The following ZBTB8A variants were observed in gnomAD, a reference collection of about 807,000 sequenced individuals.
ZBTB8A encodes zinc finger and BTB domain containing 8A.
In ZBTB8A, 19 loss-of-function variants were observed where a neutral mutation model predicts 37.8. That is an observed-to-expected ratio of 0.50 (90% CI 0.35 to 0.74). ZBTB8A has a LOEUF of 0.74. Ranked by LOEUF, ZBTB8A falls within the 30% of genes least tolerant of loss-of-function variation. ZBTB8A has a pLI of 0.01. For missense variants in ZBTB8A, 394 were observed against 537.8 expected (o/e 0.73, Z 2.65); for synonymous variants, 181 against 185.2 (o/e 0.98, Z 0.19).
intron 4 of ZBTB8A, among the ~76,000 whole-genome samples, chr1:32,595,518 C>T (rs1644523417): frequency 6.6e-6 from 1 of 151,888 alleles, no homozygotes; most frequent in South Asian, 2.1e-4. Flanking sequence ...TCACCTGCCT[C>T]AGCCTCCCAA....
intron 2 of ZBTB8A, among the ~76,000 whole-genome samples, chr1:32,556,135 G>A (rs1012489862): frequency 4.0e-5 from 6 of 151,756 alleles, no homozygotes; most frequent in Non-Finnish European, 7.4e-5. Flanking sequence ...GTGCAGTAAC[G>A]TGATCTCAGC....
In ZBTB8A at chr1:32,604,788, G is replaced by A. The variant is rs564138210; in HGVS notation, c.*4369G>A. 2 of 152,104 alleles carry A rather than the reference G, an allele frequency of 1.3e-5. No homozygotes were observed. The highest frequency in any genetic ancestry group is 1.5e-5 in the Non-Finnish European group (1 of 67,998). 9.4% of individuals were successfully genotyped at this position (152,104 alleles called of 1,614,324 possible). A position where few individuals can be genotyped will look rare whatever the true frequency, so the allele number is the denominator to read the frequency against. On this transcript the variant is annotated 3_prime_UTR_variant, in exon 5 of 5. Transcript: ENST00000373510. ...TATATTGAAATTTCCACTCATATTGGTTTTTAAAATTTTTTTTAGTCCTAA... is the reference window on the plus strand; with the variant it reads ...TATATTGAAATTTCCACTCATATTGATTTTTAAAATTTTTTTTAGTCCTAA...
At chr1:32,566,669 G>A (rs989408517) in intron 2 of ZBTB8A, among the ~76,000 whole-genome samples, 3 of 152,138 alleles carry the variant, frequency 2.0e-5, no homozygotes, top group African/African-American at 4.8e-5. Context: ...TAGCTATTGA[G>A]CCATAGTGAT....
intron 2 of ZBTB8A, among the ~76,000 whole-genome samples, chr1:32,592,586 A>G (rs1370033493): frequency 6.6e-6 from 1 of 151,294 alleles, no homozygotes; most frequent in Non-Finnish European, 1.5e-5. Flanking sequence ...GGCTCACTGC[A>G]ACCTCCACCT....
chr1:32,573,004 G>T (rs1570343749), intron 2 of ZBTB8A, among the ~76,000 whole-genome samples: 3 of 138,790 alleles, frequency 2.2e-5, no homozygotes, highest in African/African-American at 5.3e-5. Context: ...TTTCTATTTT[G>T]TTCATTTCCT....
At chr1:32,581,382 C>A in intron 2 of ZBTB8A, among the ~76,000 whole-genome samples, 1 of 136,514 alleles carries the variant, frequency 7.3e-6, no homozygotes, top group Non-Finnish European at 1.5e-5. Context: ...ATAGAGTTTC[C>A]CTCTTGTTGC....
intron 2 of ZBTB8A, among the ~76,000 whole-genome samples, chr1:32,583,805 G>A (rs1036094366): frequency 1.3e-4 from 19 of 151,878 alleles, no homozygotes; most frequent in Non-Finnish European, 2.6e-4. Flanking sequence ...GTGCAGTGGC[G>A]GGATCTCAGC....
At chr1:32,539,695 G>T in intron 1 of ZBTB8A, 123 bp downstream of exon 1, 1 of 804 alleles carries the variant, frequency 1.2e-3, no homozygotes, top group South Asian at 0.015. Flanking sequence ...TGCGGGCCCC[G>T]GGCGCGCCTC....
chr1:32,572,992 G>A (rs1644332920), intron 2 of ZBTB8A, among the ~76,000 whole-genome samples: 1 of 147,250 alleles, frequency 6.8e-6, no homozygotes, highest in Non-Finnish European at 1.5e-5. Flanking sequence ...TCATTTCTTT[G>A]GTTTCTATTT....
chr1:32,555,128 G>A (rs1306616672), intron 2 of ZBTB8A, among the ~76,000 whole-genome samples: 2 of 152,152 alleles, frequency 1.3e-5, no homozygotes, highest in African/African-American at 2.4e-5. Flanking sequence ...AGTGGCTCAC[G>A]CCTGTAATCC....
chr1:32,548,726 ATAAT>A (rs1321709543), intron 1 of ZBTB8A, among the ~76,000 whole-genome samples: 1 of 152,196 alleles, frequency 6.6e-6, no homozygotes, highest in Admixed American at 6.5e-5. Flanking sequence ...AAATGTTTAG[ATAAT>A]TAATAATAAT....
Position 32,573,101 on chromosome 1 carries a change from CCCTCTGTCACCCAGGCTGGAGTG to C in ZBTB8A, c.-2+19563_-2+19585del, listed in dbSNP as rs1474720053. On this transcript the variant is annotated intron_variant, in intron 2 of 4. Coordinates refer to ENST00000373510, the MANE Select transcript of ZBTB8A (RefSeq NM_001040441.3). ...TTTTTTTTTTTTTGAGACTGGGTCT[CCCTCTGTCACCCAGGCTGGAGTG>C]CAGTGGCATGATCTCAGCTAACTGC... Among the ~76,000 whole-genome samples the C allele has an allele frequency of 2.2e-5, 3 of 135,894 alleles. No individual in the cohort carries two copies. In the East Asian group the frequency reaches 7.0e-4, roughly 32 times the overall value. The allele number at this position is 135,894 out of a possible 152,430, so 89.2% of individuals were successfully genotyped here. A position where few individuals can be genotyped will look rare whatever the true frequency, so the allele number is the denominator to read the frequency against.
chr1:32,596,566 G>A (rs1378487328), intron 4 of ZBTB8A, among the ~76,000 whole-genome samples: 1 of 151,856 alleles, frequency 6.6e-6, no homozygotes, highest in African/African-American at 2.4e-5. Context: ...GAATGACAGA[G>A]TGAGACACTG....
chr1:32,591,282 C>T (rs923429318), intron 2 of ZBTB8A, among the ~76,000 whole-genome samples: 4 of 151,808 alleles, frequency 2.6e-5, no homozygotes, highest in African/African-American at 9.7e-5. Context: ...ATGATCATGG[C>T]TCACTGCAGC....
At chr1:32,548,984 A>T (rs994113551) in intron 1 of ZBTB8A, among the ~76,000 whole-genome samples, 1 of 151,102 alleles carries the variant, frequency 6.6e-6, no homozygotes, top group African/African-American at 2.4e-5. Flanking sequence ...TGAGGTCAGG[A>T]GTTTGAGACC....
chr1:32,582,940 A>G (rs1176277051), intron 2 of ZBTB8A, among the ~76,000 whole-genome samples: 1 of 152,194 alleles, frequency 6.6e-6, no homozygotes, highest in Non-Finnish European at 1.5e-5. Flanking sequence ...CATTACTAGT[A>G]GAACCTGGCC....
chr1:32,551,302 G>T (rs1644153560), intron 1 of ZBTB8A, among the ~76,000 whole-genome samples: 3 of 151,994 alleles, frequency 2.0e-5, no homozygotes, highest in African/African-American at 7.2e-5. Flanking sequence ...TAAACCTCTA[G>T]TCTCAGCTAC....
chr1:32,576,368 TG>T (rs1202144074), intron 2 of ZBTB8A, among the ~76,000 whole-genome samples: 1 of 152,246 alleles, frequency 6.6e-6, no homozygotes, highest in Non-Finnish European at 1.5e-5. Flanking sequence ...CCACCGTTTC[TG>T]GAACCTCAGT....
intron 2 of ZBTB8A, among the ~76,000 whole-genome samples, chr1:32,568,813 G>A (rs1056233697): frequency 8.5e-5 from 13 of 152,050 alleles, no homozygotes; most frequent in Non-Finnish European, 1.6e-4. Flanking sequence ...AAGTTTGTTG[G>A]CTCTATTGTT....
Sources: allele counts gnomAD v4.1 joint callset (sites outside exome capture counted in the v4.1 genomes callset), GRCh38; gene constraint gnomAD v4.1.1; transcripts MANE v1.5; gene names NCBI Gene and HGNC (gene_info 2026-07-23, HGNC 2026-07-21).